SUMF1: variants seen among roughly 807,000 people sequenced by gnomAD.
SUMF1 encodes formylglycine-generating enzyme.
SUMF1 carries 48 observed loss-of-function variants against 47.6 expected under a neutral mutation model. The ratio of observed to expected loss-of-function variants is 1.01; its 90% CI spans 0.80 to 1.28. The LOEUF (loss-of-function observed/expected upper bound fraction) is 1.28, where lower values mean the gene tolerates loss of function less well. Ranked by LOEUF, SUMF1 falls within the 50% of genes most tolerant of loss-of-function variation. SUMF1 has a pLI of 0.00. For synonymous variants in SUMF1, 230 were observed against 192.1 expected, an observed-to-expected ratio of 1.20 and a Z score of -1.63; for missense variants, 571 against 485.4, an observed-to-expected ratio of 1.18 and a Z score of -1.66.
chr3:4,415,931 G>C (rs181135272), intron 6 of SUMF1, among the ~76,000 whole-genome samples: 1 of 152,188 alleles, frequency 6.6e-6, no homozygotes, highest in South Asian at 2.1e-4. Context: ...GGTGGATGCA[G>C]CCGACATCAA....
chr3:4,305,771 G>T (rs1698166748), intron 8 of SUMF1, among the ~76,000 whole-genome samples: 1 of 152,168 alleles, frequency 6.6e-6, no homozygotes, highest in Non-Finnish European at 1.5e-5. Context: ...AGGTGCCTTG[G>T]GTAGGAATTT....
At chr3:4,301,465 G>A (rs1194303264) in intron 8 of SUMF1, among the ~76,000 whole-genome samples, 1 of 152,248 alleles carries the variant, frequency 6.6e-6, no homozygotes, top group Non-Finnish European at 1.5e-5. Flanking sequence ...AAAGGTCATT[G>A]TAGCAGCGGC....
At chr3:4,290,909 A>T (rs1264606640) in intron 8 of SUMF1, among the ~76,000 whole-genome samples, 2 of 151,866 alleles carry the variant, frequency 1.3e-5, no homozygotes, top group African/African-American at 2.4e-5. Flanking sequence ...CATTTACAAA[A>T]TGGAAGTCAG....
intron 3 of SUMF1, among the ~76,000 whole-genome samples, chr3:4,433,188 G>A (rs942301746): frequency 3.3e-5 from 5 of 152,128 alleles, no homozygotes; most frequent in Admixed American, 6.5e-5. Flanking sequence ...AATATTCGAG[G>A]GGCAGGGAAC....
chr3:4,108,047 T>C (rs911522373), intron 8 of SUMF1, among the ~76,000 whole-genome samples: 3 of 152,148 alleles, frequency 2.0e-5, no homozygotes, highest in Non-Finnish European at 4.4e-5. Context: ...GAATAAACTA[T>C]AGTATATCGA....
intron 8 of SUMF1, among the ~76,000 whole-genome samples, chr3:4,193,085 G>C (rs1695354786): frequency 6.6e-6 from 1 of 151,980 alleles, no homozygotes; most frequent in African/African-American, 2.4e-5. Flanking sequence ...GTCTATTGCA[G>C]CACTGTCCAA....
At chr3:4,090,764 T>G (rs775922253) in intron 8 of SUMF1, among the ~76,000 whole-genome samples, 3 of 152,146 alleles carry the variant, frequency 2.0e-5, no homozygotes, top group Non-Finnish European at 4.4e-5. Context: ...CACTGATTCA[T>G]TAAAAATTGG....
intron 8 of SUMF1, among the ~76,000 whole-genome samples, chr3:4,082,511 A>AT (rs1482117839): frequency 1.3e-5 from 2 of 152,152 alleles, no homozygotes; most frequent in Non-Finnish European, 2.9e-5. Context: ...AAAAGTTAAA[A>AT]TTTTAAAATC....
chr3:4,414,822 T>C (rs980561004), intron 6 of SUMF1: 1 of 152,210 alleles, frequency 6.6e-6, no homozygotes, highest in Non-Finnish European at 1.5e-5. Flanking sequence ...TGGTAGCTCA[T>C]GTAATTAAAT....
At position 4,394,409 on chromosome 3, in the gene SUMF1, C is replaced by T. The variant is rs557448482; in HGVS notation, c.954+16456G>A. Among the ~76,000 whole-genome samples the T allele has an allele frequency of 4.6e-5, 7 of 152,228 alleles. No individual in the cohort carries two copies. The South Asian group carries it at 8.3e-4, about 18-fold the overall frequency. On this transcript the variant is annotated intron_variant, in intron 7 of 8. Coordinates refer to ENST00000272902, the MANE Select transcript of SUMF1 (RefSeq NM_182760.4). ...CTGGGCTCAAGTGATCTGCCCATCT[C>T]GCTCTCCCAAAGTGTTGGGATTATA...
At chr3:4,376,254 G>T in intron 8 of SUMF1, 76 bp downstream of exon 8, 1 of 1,529,198 alleles carries the variant, frequency 6.5e-7, no homozygotes, top group Non-Finnish European at 9.1e-7. Flanking sequence ...GAGACATTTG[G>T]GGCTATCATT....
At chr3:4,232,347 C>A (rs1217032709) in intron 8 of SUMF1, among the ~76,000 whole-genome samples, 1 of 152,030 alleles carries the variant, frequency 6.6e-6, no homozygotes, top group Admixed American at 6.6e-5. Context: ...TGAATAATAT[C>A]CAACTGTACT....
intron 8 of SUMF1, among the ~76,000 whole-genome samples, chr3:4,116,052 C>T (rs1204386798): frequency 6.6e-6 from 1 of 152,112 alleles, no homozygotes; most frequent in Non-Finnish European, 1.5e-5. Context: ...TTCAACATGT[C>T]TCCAAACCCA....
chr3:4,159,508 T>C (rs1299706025), intron 8 of SUMF1, among the ~76,000 whole-genome samples: 1 of 151,972 alleles, frequency 6.6e-6, no homozygotes, highest in Non-Finnish European at 1.5e-5. Context: ...CTGTACTATG[T>C]CTCAAAAAGT....
chr3:4,114,509 CTA>C (rs2125072613), intron 8 of SUMF1, among the ~76,000 whole-genome samples: 1 of 152,256 alleles, frequency 6.6e-6, no homozygotes, highest in South Asian at 2.1e-4. Context: ...GACTAAGTTA[CTA>C]TCACTAGTTA....
At chr3:4,059,874 C>G (rs1472684925) in intron 9 of SUMF1, among the ~76,000 whole-genome samples, 2 of 149,922 alleles carry the variant, frequency 1.3e-5, no homozygotes, top group African/African-American at 4.9e-5. Context: ...GGGTGATGTG[C>G]TGGATAAGGA....
At chr3:4,249,899 T>C (rs1696755517) in intron 8 of SUMF1, among the ~76,000 whole-genome samples, 1 of 152,096 alleles carries the variant, frequency 6.6e-6, no homozygotes, top group South Asian at 2.1e-4. Flanking sequence ...AGAGTCTCAT[T>C]GGGCCAGGGG....
intron 8 of SUMF1, among the ~76,000 whole-genome samples, chr3:4,234,885 G>A (rs1696375350): frequency 6.6e-6 from 1 of 152,150 alleles, no homozygotes; most frequent in South Asian, 2.1e-4. Flanking sequence ...GGCTAACAAG[G>A]TCTGAAGATG....
intron 8 of SUMF1, among the ~76,000 whole-genome samples, chr3:4,265,371 T>C (rs1697171032): frequency 6.6e-6 from 1 of 152,112 alleles, no homozygotes; most frequent in Non-Finnish European, 1.5e-5. Context: ...CTATAGTTAT[T>C]TACAACAGTA....
Sources: gnomAD v4.1 joint callset for allele counts (sites outside exome capture counted in the v4.1 genomes callset) on GRCh38, gnomAD v4.1.1 for gene constraint, MANE v1.5 for transcripts, NCBI Gene and HGNC (gene_info 2026-07-23, HGNC 2026-07-21) for gene names.